Variants in OSBPL10 observed in about 807,000 individuals in gnomAD.
OSBPL10 encodes oxysterol-binding protein-related protein 10.
A neutral mutation model predicts 81.7 loss-of-function variants in OSBPL10; 49 were observed. The observed-to-expected ratio is 0.60, with a 90% CI of 0.48 to 0.76. The LOEUF is 0.76. OSBPL10 is among the 30% of genes least tolerant of loss of function. OSBPL10 has a pLI of 0.00. For missense variants in OSBPL10, 923 were observed against 987.8 expected, an observed-to-expected ratio of 0.93 and a Z score of 0.88; for synonymous variants, 419 against 383.6, an observed-to-expected ratio of 1.09 and a Z score of -1.08.
intron 5 of OSBPL10, among the ~76,000 whole-genome samples, chr3:31,738,100 A>G (rs1411530895): frequency 1.3e-5 from 2 of 152,154 alleles, no homozygotes; most frequent in Admixed American, 6.5e-5. Context: ...CAATGGATAG[A>G]CAAAAATGTA....
At chr3:31,965,847 TAAAAAGA>T (rs1252631215) in intron 1 of OSBPL10, among the ~76,000 whole-genome samples, 30 of 85,112 alleles carry the variant, frequency 3.5e-4, no homozygotes, top group African/African-American at 1.0e-3. Flanking sequence ...ATATATTATA[TAAAAAGA>T]TAATATATAA....
At chr3:31,926,289 G>GCACCC (rs1553641093) in intron 1 of OSBPL10, among the ~76,000 whole-genome samples, 1 of 130,112 alleles carries the variant, frequency 7.7e-6, no homozygotes, top group Non-Finnish European at 1.6e-5. Context: ...GGGTGATTTT[G>GCACCC]CCCCCCCAGA....
chr3:31,823,462 C>T (rs1419351664), intron 4 of OSBPL10, among the ~76,000 whole-genome samples: 3 of 152,236 alleles, frequency 2.0e-5, no homozygotes, highest in South Asian at 2.1e-4. Context: ...CAGTCTAGGG[C>T]AGTGCTATCC....
In OSBPL10 at chr3:31,828,473, A is replaced by T. The variant is rs7340676; in HGVS notation, c.729+1567T>A. ...GCTAAGAAAATGAAAAGAAATATAA[A>T]CCTGTGCACAATCATTCATCATATC... On this transcript the variant is annotated intron_variant, in intron 4 of 11. Transcript: ENST00000396556. 8.3e-3 allele frequency among the ~76,000 whole-genome samples: 1,257 copies of T among 152,296 alleles called. 18 individuals are homozygous for T. The highest frequency in any genetic ancestry group is 0.059 in the South Asian group (283 of 4,816).
intron 1 of OSBPL10, among the ~76,000 whole-genome samples, chr3:31,971,457 T>G (rs1007967418): frequency 3.1e-4 from 47 of 152,136 alleles, no homozygotes; most frequent in African/African-American, 1.1e-3. Flanking sequence ...GTGCTTTCTA[T>G]GTGCCACCCA....
At chr3:31,873,667 T>C (rs981981945) in intron 3 of OSBPL10, among the ~76,000 whole-genome samples, 22 of 152,202 alleles carry the variant, frequency 1.4e-4, no homozygotes, top group African/African-American at 5.3e-4. Context: ...CTCTATAGTC[T>C]ACTGTAAAGG....
intron 4 of OSBPL10, among the ~76,000 whole-genome samples, chr3:31,765,063 G>A (rs1353410976): frequency 6.6e-6 from 1 of 151,976 alleles, no homozygotes; most frequent in Non-Finnish European, 1.5e-5. Context: ...TGTCACCCAG[G>A]CTGGAGTGCA....
At chr3:31,665,792 C>T (rs1297526998) in intron 10 of OSBPL10, among the ~76,000 whole-genome samples, 9 of 152,162 alleles carry the variant, frequency 5.9e-5, no homozygotes, top group South Asian at 2.1e-4. Flanking sequence ...ACACACCTTA[C>T]GCTGAGGGTG....
chr3:31,950,974 A>G (rs1697853105), intron 1 of OSBPL10, among the ~76,000 whole-genome samples: 4 of 152,200 alleles, frequency 2.6e-5, no homozygotes, highest in Admixed American at 6.6e-5. Context: ...TTTCTTTATA[A>G]ATTACCCAGT....
chr3:32,036,431 T>C (rs764802056), intron 2 of OSBPL10, among the ~76,000 whole-genome samples: 1 of 152,186 alleles, frequency 6.6e-6, no homozygotes, highest in Non-Finnish European at 1.5e-5. Context: ...AATTCTGACC[T>C]ATAATCCACC....
chr3:31,952,451 C>G (rs1559530108), intron 1 of OSBPL10, among the ~76,000 whole-genome samples: 1 of 152,226 alleles, frequency 6.6e-6, no homozygotes, highest in Non-Finnish European at 1.5e-5. Context: ...CGTGAGAGCA[C>G]TTTGCATGCT....
chr3:31,783,812 A>T lies in OSBPL10; in HGVS notation c.730-35692T>A, dbSNP rs1240910622. On this transcript the variant is annotated intron_variant, in intron 4 of 11. Transcript: ENST00000396556. ...ATTAAAAAAAAAAAAAAAAAAAAAA[A>T]AAAAAAAAAAAATATATATATATAT... 6.3e-4 allele frequency among the ~76,000 whole-genome samples: 49 copies of T among 77,572 alleles called. 1 individual carries two copies. The highest frequency in any genetic ancestry group is 3.1e-3 in the African/African-American group (46 of 15,076). 50.9% of individuals were successfully genotyped at this position (77,572 alleles called of 152,430 possible). A position where few individuals can be genotyped will look rare whatever the true frequency, so the allele number is the denominator to read the frequency against.
At chr3:31,819,561 C>T (rs1361775054) in intron 4 of OSBPL10, among the ~76,000 whole-genome samples, 1 of 152,166 alleles carries the variant, frequency 6.6e-6, no homozygotes, top group Non-Finnish European at 1.5e-5. Flanking sequence ...AGGAGTGAGG[C>T]ATACAGAGAT....
Position 31,704,435 on chromosome 3 carries a change from G to C in OSBPL10, c.1096-1927C>G, listed in dbSNP as rs143736745. 3.5e-4 allele frequency among the ~76,000 whole-genome samples: 54 copies of C among 152,356 alleles called. No homozygotes were observed. The East Asian group carries it at 4.8e-3, about 14-fold the overall frequency. ...TCTCATGCCAGCACCAGCTGGGGGA[G>C]GAGAGGGTAGTGCCTGGGCATTCTG... On this transcript the variant is annotated intron_variant, in intron 6 of 11. Transcript: ENST00000396556.
At chr3:31,850,936 T>C (rs4398469) in intron 3 of OSBPL10, among the ~76,000 whole-genome samples, 145,396 of 152,290 alleles carry the variant, frequency 0.95, 69,480 homozygotes, top group East Asian at 1. Flanking sequence ...CTGAACTGCC[T>C]CCATTAATGT....
chr3:31,866,350 C>T (rs1474033042), intron 3 of OSBPL10, among the ~76,000 whole-genome samples: 1 of 152,154 alleles, frequency 6.6e-6, no homozygotes, highest in African/African-American at 2.4e-5. Flanking sequence ...GGGGCGAGGT[C>T]TATCAGTTGG....
chr3:31,809,563 TA>T (rs1301006129), intron 4 of OSBPL10, among the ~76,000 whole-genome samples: 2 of 152,204 alleles, frequency 1.3e-5, no homozygotes, highest in African/African-American at 4.8e-5. Context: ...ACGGAGGTTT[TA>T]AAAGCTAGAC....
intron 4 of OSBPL10, among the ~76,000 whole-genome samples, chr3:31,771,230 G>C (rs559225942): frequency 6.6e-6 from 1 of 152,112 alleles, no homozygotes; most frequent in South Asian, 2.1e-4. Flanking sequence ...ACAGTGACAG[G>C]CATGTAGGAA....
rs547078088 is a variant in OSBPL10 at position 31,879,928 on chromosome 3, C to G, written c.282-98G>C. The G allele has an allele frequency of 3.1e-5, 40 of 1,271,188 alleles. No homozygotes were observed. The East Asian group carries it at 9.7e-4, about 31-fold the overall frequency. 78.7% of individuals were successfully genotyped at this position (1,271,188 alleles called of 1,614,324 possible). ...AGTGATCCAGAAGTCAACATCAAGA[C>G]TCCACATCCATGAAGCTGGAAACCA... On this transcript the variant is annotated intron_variant, in intron 1 of 11. Coordinates refer to ENST00000396556, the MANE Select transcript of OSBPL10 (RefSeq NM_017784.5).
Sources: allele counts gnomAD v4.1 joint callset (sites outside exome capture counted in the v4.1 genomes callset), GRCh38; gene constraint gnomAD v4.1.1; transcripts MANE v1.5; gene names NCBI Gene and HGNC (gene_info 2026-07-23, HGNC 2026-07-21).